The following GNAI1 variants were observed in gnomAD, a reference collection of about 807,000 sequenced individuals.
The protein encoded by GNAI1 is guanine nucleotide-binding protein G(i) subunit alpha-1.
A neutral mutation model predicts 38.9 loss-of-function variants in GNAI1; 11 were observed. The ratio of observed to expected loss-of-function variants is 0.28; its 90% CI spans 0.18 to 0.47. The LOEUF is 0.47. Among genes scored for constraint, GNAI1 ranks in the 20% least tolerant of loss-of-function variants. The pLI, the probability that GNAI1 is intolerant of heterozygous loss-of-function variation, is 0.99. For synonymous variants in GNAI1, 166 were observed against 145.1 expected (o/e 1.14, Z -1.04); for missense variants, 317 against 436.9 (o/e 0.73, Z 2.45).
At chr7:80,178,588 A>G (rs964620128) in intron 1 of GNAI1, among the ~76,000 whole-genome samples, 1 of 152,220 alleles carries the variant, frequency 6.6e-6, no homozygotes, top group Non-Finnish European at 1.5e-5. Flanking sequence ...GAAGGGTCAG[A>G]TGATTGTTAA....
At chr7:80,201,906 T>C (rs372188425) in intron 4 of GNAI1, among the ~76,000 whole-genome samples, 3 of 152,180 alleles carry the variant, frequency 2.0e-5, no homozygotes, top group East Asian at 3.9e-4. Context: ...AGTTCTTGAC[T>C]GGGGATGCTA....
chr7:80,139,184 T>C (rs1787479225), intron 1 of GNAI1, among the ~76,000 whole-genome samples: 1 of 152,346 alleles, frequency 6.6e-6, no homozygotes. Context: ...TTGGAATTGC[T>C]GATTTTTTTC....
At chr7:80,180,810 A>T (rs1281640958) in intron 1 of GNAI1, among the ~76,000 whole-genome samples, 1 of 152,130 alleles carries the variant, frequency 6.6e-6, no homozygotes, top group Non-Finnish European at 1.5e-5. Flanking sequence ...TACTTTGAAG[A>T]TAAATTATAT....
At chr7:80,212,119 A>G (rs992573750) in intron 6 of GNAI1, among the ~76,000 whole-genome samples, 2 of 152,120 alleles carry the variant, frequency 1.3e-5, no homozygotes, top group African/African-American at 4.8e-5. Context: ...GTATTTTTAA[A>G]ATCAAGTATA....
intron 1 of GNAI1, among the ~76,000 whole-genome samples, chr7:80,165,205 T>A (rs1584021158): frequency 6.6e-6 from 1 of 152,116 alleles, no homozygotes; most frequent in Non-Finnish European, 1.5e-5. Context: ...CCCTCTTAAA[T>A]CTCTAAAAAT....
intron 1 of GNAI1, among the ~76,000 whole-genome samples, chr7:80,165,711 A>G (rs1227459340): frequency 6.6e-6 from 1 of 152,186 alleles, no homozygotes; most frequent in Admixed American, 6.5e-5. Context: ...TTCTGTAACT[A>G]GAAGTAGTTT....
intron 1 of GNAI1, among the ~76,000 whole-genome samples, chr7:80,164,125 A>C (rs1157085214): frequency 6.9e-6 from 1 of 144,434 alleles, no homozygotes; most frequent in Admixed American, 7.0e-5. Context: ...GCTCACTGCA[A>C]CCTCCACCTC....
intron 5 of GNAI1, among the ~76,000 whole-genome samples, chr7:80,210,116 A>G (rs1460192061): frequency 6.6e-6 from 1 of 152,184 alleles, no homozygotes; most frequent in African/African-American, 2.4e-5. Context: ...ACCAGTTCGC[A>G]TAGTGTTTTC....
chr7:80,202,036 A>G (rs1788693039), intron 4 of GNAI1, among the ~76,000 whole-genome samples: 1 of 152,074 alleles, frequency 6.6e-6, no homozygotes, highest in African/African-American at 2.4e-5. Context: ...TCTTATTGAA[A>G]TACTATTTTT....
At chr7:80,204,031 T>G (rs1266614021) in intron 5 of GNAI1, among the ~76,000 whole-genome samples, 199 bp downstream of exon 5, 1 of 152,150 alleles carries the variant, frequency 6.6e-6, no homozygotes, top group Non-Finnish European at 1.5e-5. Context: ...TGTTTTTATT[T>G]AAGAAAATCT....
At chr7:80,197,036 T>C (rs536864112) in intron 3 of GNAI1, among the ~76,000 whole-genome samples, 1 of 151,942 alleles carries the variant, frequency 6.6e-6, no homozygotes, top group African/African-American at 2.4e-5. Flanking sequence ...GGTCATCCCA[T>C]GTATCTGCTA....
At chr7:80,172,878 C>T (rs1046852058) in intron 1 of GNAI1, among the ~76,000 whole-genome samples, 2 of 152,076 alleles carry the variant, frequency 1.3e-5, no homozygotes, top group African/African-American at 4.8e-5. Context: ...TTTTTTAAAA[C>T]GTAAAGATGG....
chr7:80,135,145 TC>T lies in GNAI1; in HGVS notation c.-15del, dbSNP rs1787386412. On this transcript the variant is annotated 5_prime_UTR_variant, in exon 1 of 8. Coordinates refer to ENST00000649796, the MANE Select transcript of GNAI1 (RefSeq NM_002069.6). ...GGGCGCGGAGGGAGCGGCGGCAGGCTCTCGCTTTCGGCACCATGGGCTGCAC... is the reference window on the plus strand; with the variant it reads ...GGGCGCGGAGGGAGCGGCGGCAGGCTTCGCTTTCGGCACCATGGGCTGCAC... The T allele has an allele frequency of 6.8e-7, 1 of 1,479,308 alleles. No homozygotes were observed. Among genetic ancestry groups the T allele is most frequent in the Admixed American group, 2.2e-5 (1 of 46,246 alleles). 91.6% of individuals were successfully genotyped at this position (1,479,308 alleles called of 1,614,324 possible). A position where few individuals can be genotyped will look rare whatever the true frequency, so the allele number is the denominator to read the frequency against.
intron 1 of GNAI1, among the ~76,000 whole-genome samples, chr7:80,136,440 T>C (rs899268744): frequency 1.2e-4 from 18 of 152,180 alleles, no homozygotes; most frequent in African/African-American, 4.1e-4. Flanking sequence ...GGGTTTTTTT[T>C]CTCCATTACT....
chr7:80,210,670 G>C (rs1173062743), intron 5 of GNAI1, among the ~76,000 whole-genome samples: 1 of 148,728 alleles, frequency 6.7e-6, no homozygotes, highest in Non-Finnish European at 1.5e-5. Context: ...TTGCTTTAAT[G>C]TTCTAAGTGT....
At chr7:80,146,837 C>T (rs917969782) in intron 1 of GNAI1, among the ~76,000 whole-genome samples, 5 of 152,178 alleles carry the variant, frequency 3.3e-5, no homozygotes, top group Non-Finnish European at 7.4e-5. Flanking sequence ...AAAACACTGC[C>T]TTGCACAGAG....
intron 1 of GNAI1, among the ~76,000 whole-genome samples, chr7:80,167,795 A>G (rs1489703757): frequency 6.6e-6 from 1 of 152,260 alleles, no homozygotes; most frequent in African/African-American, 2.4e-5. Context: ...CAAGGATTAC[A>G]GTCTTCTCTC....
chr7:80,198,162 C>T (rs1306808905), intron 3 of GNAI1, among the ~76,000 whole-genome samples: 2 of 151,604 alleles, frequency 1.3e-5, no homozygotes, highest in Non-Finnish European at 2.9e-5. Flanking sequence ...CATGTGGCTA[C>T]TGAATCCTTA....
chr7:80,152,485 G>A (rs938900823), intron 1 of GNAI1, among the ~76,000 whole-genome samples: 2 of 148,916 alleles, frequency 1.3e-5, no homozygotes, highest in African/African-American at 2.5e-5. Flanking sequence ...ATAGGTCGAT[G>A]TTTTGTTTTT....
Sources: gnomAD v4.1 joint callset for allele counts (sites outside exome capture counted in the v4.1 genomes callset) on GRCh38, gnomAD v4.1.1 for gene constraint, MANE v1.5 for transcripts, NCBI Gene and HGNC (gene_info 2026-07-23, HGNC 2026-07-21) for gene names.